DAPK1: variants seen among roughly 807,000 people sequenced by gnomAD.
DAPK1 encodes the protein death associated protein kinase 1.
In DAPK1, 56 loss-of-function variants were observed where a neutral mutation model predicts 144.9. The observed-to-expected ratio is 0.39, with a 90% CI of 0.31 to 0.48. The LOEUF (loss-of-function observed/expected upper bound fraction) is 0.48, where lower values mean the gene tolerates loss of function less well. Among genes scored for constraint, DAPK1 ranks in the 20% least tolerant of loss-of-function variants. The probability of loss-of-function intolerance (pLI) is 0.95; values close to 1 mark genes in which losing one functional copy is unlikely to be tolerated. For synonymous variants in DAPK1, 690 were observed against 749.0 expected, an observed-to-expected ratio of 0.92 and a Z score of 1.29; for missense variants, 1,454 against 1,875.4, an observed-to-expected ratio of 0.78 and a Z score of 4.15.
In DAPK1 at chr9:87,646,630, CAG is replaced by C. The variant is rs555045766; in HGVS notation, c.1230+74_1230+75del. ...AAGTGTCTCTTAATCATAGGGGTAA[CAG>C]AGGAAAAAAATTTATGTCCTAACTT... On this transcript the variant is annotated intron_variant, in intron 13 of 25. Coordinates refer to ENST00000408954, the MANE Select transcript of DAPK1 (RefSeq NM_004938.4). 569 of 1,241,410 alleles carry C rather than the reference CAG, an allele frequency of 4.6e-4. 6 individuals are homozygous for C. The African/African-American group carries it at 7.5e-3, about 16-fold the overall frequency. The allele number at this position is 1,241,410 out of a possible 1,614,324, so 76.9% of individuals were successfully genotyped here.
At chr9:87,664,877 C>T (rs1830995078) in intron 18 of DAPK1, among the ~76,000 whole-genome samples, 1 of 152,200 alleles carries the variant, frequency 6.6e-6, no homozygotes, top group Non-Finnish European at 1.5e-5. Flanking sequence ...TCCTGTTCCG[C>T]CTCCTCCCGT....
Position 87,634,794 on chromosome 9 carries a change from G to A in DAPK1, c.285-3149G>A, listed in dbSNP as rs76224898. 1.2e-3 allele frequency among the ~76,000 whole-genome samples: 186 copies of A among 152,250 alleles called. 4 individuals are homozygous for A. Among genetic ancestry groups the A allele is most frequent in the Non-Finnish European group, 1.9e-3 (131 of 68,014 alleles). On this transcript the variant is annotated intron_variant, in intron 3 of 25. Transcript: ENST00000408954. ...CTCCACCCACGGTCCCTGACATCAC[G>A]TGGGGAGGGAGTTTGAGATGGCCAT... is the stretch of plus-strand genomic sequence containing the variant.
chr9:87,668,260 T>C (rs1403676824), intron 18 of DAPK1, among the ~76,000 whole-genome samples: 1 of 152,144 alleles, frequency 6.6e-6, no homozygotes, highest in African/African-American at 2.4e-5. Context: ...GTCTGCCTGA[T>C]TGGAGATTGG....
chr9:87,548,442 C>G (rs1456305017), intron 2 of DAPK1, among the ~76,000 whole-genome samples: 2 of 152,198 alleles, frequency 1.3e-5, no homozygotes, highest in Non-Finnish European at 2.9e-5. Context: ...CTACATTTCT[C>G]CTGTTCCTGG....
chr9:87,573,256 A>G (rs1420069763), intron 2 of DAPK1, among the ~76,000 whole-genome samples: 1 of 152,214 alleles, frequency 6.6e-6, no homozygotes, highest in Admixed American at 6.5e-5. Flanking sequence ...CCCACCTCAG[A>G]TGCCAAGGGG....
chr9:87,534,202 A>G (rs1023352306), intron 2 of DAPK1, among the ~76,000 whole-genome samples: 5 of 151,532 alleles, frequency 3.3e-5, no homozygotes, highest in African/African-American at 1.2e-4. Context: ...GCAATGTGCG[A>G]TATGCCACAC....
chr9:87,668,812 G>T (rs1831153023), intron 19 of DAPK1, 138 bp downstream of exon 19: 1 of 686,874 alleles, frequency 1.5e-6, no homozygotes, highest in East Asian at 2.5e-5. Context: ...CTGTCCTGTG[G>T]TTTACATGTC....
chr9:87,644,542 G>GA (rs898689442), intron 11 of DAPK1, among the ~76,000 whole-genome samples: 18 of 150,078 alleles, frequency 1.2e-4, no homozygotes, highest in African/African-American at 2.2e-4. Context: ...GGAGATGTTT[G>GA]AAAAAAAAAG....
intron 2 of DAPK1, among the ~76,000 whole-genome samples, chr9:87,522,685 A>G (rs1825343981): frequency 1.3e-5 from 2 of 152,240 alleles, no homozygotes; most frequent in South Asian, 4.1e-4. Flanking sequence ...GAGAACATGC[A>G]TCTGTCATTC....
At chr9:87,571,603 A>G (rs1827364656) in intron 2 of DAPK1, among the ~76,000 whole-genome samples, 1 of 151,752 alleles carries the variant, frequency 6.6e-6, no homozygotes, top group African/African-American at 2.4e-5. Context: ...TCTCCTTGCA[A>G]ACGTTCCAGT....
chr9:87,536,591 A>T (rs1825869115), intron 2 of DAPK1, among the ~76,000 whole-genome samples: 1 of 152,214 alleles, frequency 6.6e-6, no homozygotes, highest in Non-Finnish European at 1.5e-5. Flanking sequence ...AAAGCACTTA[A>T]AATACTGATT....
At chr9:87,515,946 G>C (rs918214258) in intron 2 of DAPK1, among the ~76,000 whole-genome samples, 1 of 152,034 alleles carries the variant, frequency 6.6e-6, no homozygotes, top group African/African-American at 2.4e-5. Context: ...TGGTCAGCGG[G>C]TGCCCTTGCC....
rs773145468 is a variant in DAPK1, at chr9:87,682,288, C to T, written c.2224+662C>T. ...ATTGATTCACATTAGGGGGCTGTCA[C>T]GAAACACCTGGCAGTGAGCAAGAGA... On this transcript the variant is annotated intron_variant, in intron 20 of 25. Transcript: ENST00000408954. 2.6e-5 allele frequency among the ~76,000 whole-genome samples: 4 copies of T among 152,152 alleles called. No homozygotes were observed. The South Asian group carries it at 6.2e-4, about 24-fold the overall frequency.
At chr9:87,603,662 A>G (rs1459090923) in intron 2 of DAPK1, among the ~76,000 whole-genome samples, 2 of 152,198 alleles carry the variant, frequency 1.3e-5, no homozygotes, top group African/African-American at 4.8e-5. Flanking sequence ...AATTCTTTAC[A>G]TAGCAGTTAT....
At chr9:87,639,048 C>G (rs996849182) in intron 4 of DAPK1, among the ~76,000 whole-genome samples, 4 of 152,160 alleles carry the variant, frequency 2.6e-5, no homozygotes, top group African/African-American at 4.8e-5. Context: ...CTCCCATTCC[C>G]CCAGTTACCC....
intron 3 of DAPK1, among the ~76,000 whole-genome samples, chr9:87,626,651 T>A (rs942435169): frequency 2.6e-5 from 4 of 152,056 alleles, no homozygotes; most frequent in African/African-American, 9.7e-5. Flanking sequence ...TGCCTTCTAG[T>A]TTGTGATAGT....
chr9:87,642,186 T>C (rs1587801452), intron 10 of DAPK1, 128 bp downstream of exon 10: 1 of 676,234 alleles, frequency 1.5e-6, no homozygotes. Flanking sequence ...TAATCCACCC[T>C]GTAGTGTTCT....
intron 17 of DAPK1, among the ~76,000 whole-genome samples, chr9:87,651,932 C>CA: frequency 7.3e-6 from 1 of 137,158 alleles, no homozygotes; most frequent in Non-Finnish European, 1.6e-5. Flanking sequence ...ATTCTGTGTC[C>CA]TCCCACCTGA....
At chr9:87,603,175 G>C (rs1477990667) in intron 2 of DAPK1, among the ~76,000 whole-genome samples, 1 of 152,064 alleles carries the variant, frequency 6.6e-6, no homozygotes, top group Non-Finnish European at 1.5e-5. Context: ...GTAAGGAGGG[G>C]CCTGGACTCT....
Sources: allele counts gnomAD v4.1 joint callset (sites outside exome capture counted in the v4.1 genomes callset), GRCh38; gene constraint gnomAD v4.1.1; transcripts MANE v1.5; gene names NCBI Gene and HGNC (gene_info 2026-07-23, HGNC 2026-07-21).